The following ST6GALNAC3 variants were observed in gnomAD, a reference collection of about 807,000 sequenced individuals.
The protein encoded by ST6GALNAC3 is alpha-N-acetylgalactosaminide alpha-2,6-sialyltransferase 3.
ST6GALNAC3 carries 25 observed loss-of-function variants against 32.7 expected under a neutral mutation model. The observed-to-expected ratio is 0.76, with a 90% CI of 0.56 to 1.07. The LOEUF is 1.07. Among genes scored for constraint, ST6GALNAC3 ranks in the 50% least tolerant of loss-of-function variants. The probability of loss-of-function intolerance (pLI) is 0.00; values close to 1 mark genes in which losing one functional copy is unlikely to be tolerated. For missense variants in ST6GALNAC3, 355 were observed against 382.4 expected (o/e 0.93, Z 0.60); for synonymous variants, 129 against 133.1 (o/e 0.97, Z 0.21).
chr1:76,486,218 T>G (rs7524669), intron 3 of ST6GALNAC3, among the ~76,000 whole-genome samples: 57,246 of 152,006 alleles, frequency 0.38, 16,129 homozygotes, highest in African/African-American at 0.8. Flanking sequence ...GGGGTGGAGA[T>G]TTCTGTAGAT....
intron 2 of ST6GALNAC3, 97 bp from the exon 3 acceptor site, chr1:76,411,911 G>A: frequency 7.7e-7 from 1 of 1,293,784 alleles, no homozygotes; most frequent in Admixed American, 2.4e-5. Context: ...TTCCATATTT[G>A]GTAATTATAC....
intron 3 of ST6GALNAC3, among the ~76,000 whole-genome samples, chr1:76,422,840 A>T (rs1655116617): frequency 6.6e-6 from 1 of 151,986 alleles, no homozygotes; most frequent in Non-Finnish European, 1.5e-5. Context: ...TATTTTTGTT[A>T]TGATATTTTT....
intron 3 of ST6GALNAC3, among the ~76,000 whole-genome samples, chr1:76,530,011 G>A (rs530110600): frequency 1.6e-4 from 24 of 152,246 alleles, no homozygotes; most frequent in East Asian, 5.8e-4. Flanking sequence ...CTCTGAGAGC[G>A]TTAATAAATA....
At chr1:76,313,759 G>A (rs17626151) in intron 1 of ST6GALNAC3, 46 bp from the exon 2 acceptor site, 45,346 of 1,603,102 alleles carry the variant, frequency 0.028, 704 homozygotes, top group Non-Finnish European at 0.033. Context: ...ACTGCCTTTG[G>A]TTGAAAGTCA....
chr1:76,187,757 A>G (rs571880074), intron 1 of ST6GALNAC3, among the ~76,000 whole-genome samples: 85 of 152,194 alleles, frequency 5.6e-4, no homozygotes, highest in African/African-American at 2.0e-3. Flanking sequence ...GCACACACAC[A>G]CAAACACACA....
intron 1 of ST6GALNAC3, among the ~76,000 whole-genome samples, chr1:76,128,543 C>A (rs1280035968): frequency 6.6e-6 from 1 of 152,194 alleles, no homozygotes; most frequent in African/African-American, 2.4e-5. Context: ...GGATGACAGG[C>A]TGAGCAATGG....
chr1:76,303,046 TC>T (rs1480134176), intron 1 of ST6GALNAC3, among the ~76,000 whole-genome samples: 1 of 101,568 alleles, frequency 9.8e-6, no homozygotes, highest in Admixed American at 1.2e-4. Context: ...CTGCAACCAG[TC>T]CGATTGGTTG....
chr1:76,171,614 C>G (rs748348072), intron 1 of ST6GALNAC3, among the ~76,000 whole-genome samples: 28 of 151,790 alleles, frequency 1.8e-4, no homozygotes, highest in Non-Finnish European at 3.5e-4. Flanking sequence ...GATATCACCA[C>G]TGACCCCACA....
intron 2 of ST6GALNAC3, among the ~76,000 whole-genome samples, chr1:76,367,750 G>A (rs1328305927): frequency 2.0e-5 from 3 of 152,022 alleles, no homozygotes; most frequent in Non-Finnish European, 4.4e-5. Context: ...TGTGTATTCC[G>A]TGTGTTGCTG....
chr1:76,628,601 C>CTTTTTT lies in ST6GALNAC3; in HGVS notation c.732-15_732-10dup. ...TTCATCTCAATCTTTCTCTCCTTTT[C>CTTTTTT]TTTTTTTTTCTTTTCTAGGACAGAA... On this transcript the variant is annotated intron_variant, in intron 4 of 4. Transcript: ENST00000328299. 1 of 1,541,796 alleles carries CTTTTTT rather than the reference C, an allele frequency of 6.5e-7. No homozygotes were observed. The highest frequency in any genetic ancestry group is 8.7e-7 in the Non-Finnish European group (1 of 1,149,008).
chr1:76,406,945 A>T (rs1478685214), intron 2 of ST6GALNAC3, among the ~76,000 whole-genome samples: 1 of 152,076 alleles, frequency 6.6e-6, no homozygotes, highest in Non-Finnish European at 1.5e-5. Flanking sequence ...ACTGAGAAAT[A>T]TGACTGACCT....
At chr1:76,360,142 C>T (rs922452577) in intron 2 of ST6GALNAC3, among the ~76,000 whole-genome samples, 1 of 152,142 alleles carries the variant, frequency 6.6e-6, no homozygotes, top group African/African-American at 2.4e-5. Flanking sequence ...TTCATTCTAC[C>T]TGGGAAAGAG....
intron 2 of ST6GALNAC3, among the ~76,000 whole-genome samples, chr1:76,361,057 C>CT (rs879934081): frequency 6.1e-5 from 9 of 146,992 alleles, no homozygotes; most frequent in Admixed American, 1.4e-4. Flanking sequence ...TTAGGTTTTG[C>CT]TTTTTTTTTT....
At chr1:76,263,017 A>G (rs536756600) in intron 1 of ST6GALNAC3, among the ~76,000 whole-genome samples, 2 of 152,314 alleles carry the variant, frequency 1.3e-5, no homozygotes, top group Non-Finnish European at 2.9e-5. Context: ...AAGGGCTCTC[A>G]GGAACAGCTT....
chr1:76,428,310 T>G (rs1293562459), intron 3 of ST6GALNAC3, among the ~76,000 whole-genome samples: 1 of 152,106 alleles, frequency 6.6e-6, no homozygotes, highest in Non-Finnish European at 1.5e-5. Flanking sequence ...AAGACATTTT[T>G]CAAAGGCCAG....
chr1:76,484,823 GT>G (rs1659991078), intron 3 of ST6GALNAC3, among the ~76,000 whole-genome samples: 1 of 152,128 alleles, frequency 6.6e-6, no homozygotes, highest in Non-Finnish European at 1.5e-5. Context: ...AATGCTTCCA[GT>G]TTTTGCCCAT....
intron 1 of ST6GALNAC3, among the ~76,000 whole-genome samples, chr1:76,176,524 C>T (rs746839883): frequency 1.3e-4 from 20 of 152,334 alleles, no homozygotes; most frequent in Non-Finnish European, 2.1e-4. Flanking sequence ...AGAAAGACAT[C>T]TGTGACGTTC....
At chr1:76,202,492 C>A (rs969959141) in intron 1 of ST6GALNAC3, among the ~76,000 whole-genome samples, 4 of 152,090 alleles carry the variant, frequency 2.6e-5, no homozygotes, top group Non-Finnish European at 4.4e-5. Flanking sequence ...CACCTCCACC[C>A]CAAGTTCTCT....
chr1:76,317,665 T>G (rs1040121314), intron 2 of ST6GALNAC3, among the ~76,000 whole-genome samples: 1 of 152,182 alleles, frequency 6.6e-6, no homozygotes, highest in African/African-American at 2.4e-5. Context: ...ATGCCAGCAG[T>G]GATTTCCAGA....
Sources: gnomAD v4.1 joint callset for allele counts (sites outside exome capture counted in the v4.1 genomes callset) on GRCh38, gnomAD v4.1.1 for gene constraint, MANE v1.5 for transcripts, NCBI Gene and HGNC (gene_info 2026-07-23, HGNC 2026-07-21) for gene names.